The following HMCN1 variants were observed in gnomAD, a reference collection of about 807,000 sequenced individuals.
The protein encoded by HMCN1 is hemicentin-1.
A neutral mutation model predicts 625.9 loss-of-function variants in HMCN1; 321 were observed. The observed-to-expected ratio is 0.51, with a 90% CI of 0.47 to 0.56. The LOEUF is 0.56. Among genes scored for constraint, HMCN1 ranks in the 20% least tolerant of loss-of-function variants. The pLI is 0.00. For missense variants in HMCN1, 6,588 were observed against 6,887.3 expected (o/e 0.96, Z 1.54); for synonymous variants, 2,425 against 2,417.6 (o/e 1.00, Z -0.09).
At chr1:185,884,564 T>C (rs1006786064) in intron 4 of HMCN1, among the ~76,000 whole-genome samples, 1 of 152,004 alleles carries the variant, frequency 6.6e-6, no homozygotes. Flanking sequence ...AATCCTATTC[T>C]CTCTCTTATG....
chr1:185,878,782 A>G (rs1185932021), intron 4 of HMCN1, among the ~76,000 whole-genome samples: 1 of 152,162 alleles, frequency 6.6e-6, no homozygotes, highest in Admixed American at 6.5e-5. Flanking sequence ...CTCAGTTAAT[A>G]GTTATTAACT....
chr1:186,003,596 T>C, intron 28 of HMCN1, 122 bp from the exon 29 acceptor site: 1 of 861,786 alleles, frequency 1.2e-6, no homozygotes, highest in South Asian at 1.4e-5. Context: ...TGTTGTGTGG[T>C]ATTTTATTTT....
rs181843608 is a variant in HMCN1, at chr1:185,981,440, A to G, written c.2662+367A>G. Among the ~76,000 whole-genome samples, 200 of 152,190 alleles carry G rather than the reference A, an allele frequency of 1.3e-3. 1 individual carries two copies. The highest frequency in any genetic ancestry group is 4.6e-3 in the African/African-American group (193 of 41,536). ...TTTGTGTATGATAGGTAAAAATATA[A>G]TATCATTTATTTCCAAGTAAGACAT... On this transcript the variant is annotated intron_variant, in intron 17 of 106. Coordinates refer to ENST00000271588, the MANE Select transcript of HMCN1 (RefSeq NM_031935.3).
intron 1 of HMCN1, among the ~76,000 whole-genome samples, chr1:185,781,418 T>A (rs968275433): frequency 5.9e-5 from 9 of 152,212 alleles, no homozygotes; most frequent in African/African-American, 2.2e-4. Context: ...CTTACTTGTC[T>A]AGTTCTTTTA....
rs201025716 is a variant in HMCN1 at position 186,136,985 on chromosome 1, C to T, written c.13582+48C>T. On this transcript the variant is annotated intron_variant, in intron 87 of 106. Coordinates refer to ENST00000271588, the MANE Select transcript of HMCN1 (RefSeq NM_031935.3). ...TCATAGTAAACAGTACCTGGGGTGA[C>T]TCAAATCATGGAAATTATTAAGCAC... 5 of 1,600,154 alleles carry T rather than the reference C, an allele frequency of 3.1e-6. No individual in the cohort carries two copies. The East Asian group carries it at 6.7e-5, about 21-fold the overall frequency.
intron 1 of HMCN1, among the ~76,000 whole-genome samples, chr1:185,762,817 G>A (rs751948666): frequency 2.6e-4 from 39 of 152,128 alleles, no homozygotes; most frequent in Non-Finnish European, 4.3e-4. Flanking sequence ...AAGAGCACAA[G>A]GTCCCAGGTA....
intron 82 of HMCN1, among the ~76,000 whole-genome samples, chr1:186,126,861 A>ATTT (rs1319807047): frequency 1.3e-5 from 2 of 152,096 alleles, no homozygotes; most frequent in African/African-American, 4.8e-5. Flanking sequence ...TATGCCTTAA[A>ATTT]TTTTAAAGGG....
At chr1:186,078,419 A>G (rs958132494) in intron 55 of HMCN1, among the ~76,000 whole-genome samples, 199 bp downstream of exon 55, 9 of 152,206 alleles carry the variant, frequency 5.9e-5, no homozygotes, top group Non-Finnish European at 1.2e-4. Flanking sequence ...AAACAAACTG[A>G]CTTAAATGAA....
At chr1:186,031,244 A>T (rs936437995) in intron 36 of HMCN1, among the ~76,000 whole-genome samples, 1 of 152,044 alleles carries the variant, frequency 6.6e-6, no homozygotes, top group Non-Finnish European at 1.5e-5. Context: ...TTCTAGAAAT[A>T]TCTTAATTTC....
intron 4 of HMCN1, among the ~76,000 whole-genome samples, chr1:185,883,405 C>T (rs1257859354): frequency 1.3e-5 from 2 of 152,062 alleles, no homozygotes; most frequent in Non-Finnish European, 2.9e-5. Flanking sequence ...TGCCCCCTTT[C>T]ACTCACTTCT....
intron 6 of HMCN1, among the ~76,000 whole-genome samples, chr1:185,918,290 C>T (rs1286351529): frequency 3.9e-5 from 6 of 152,086 alleles, no homozygotes; most frequent in East Asian, 1.9e-4. Flanking sequence ...GTCCAAAGGC[C>T]GAAGAACCTG....
At chr1:185,945,422 CA>C (rs535311334) in intron 11 of HMCN1, among the ~76,000 whole-genome samples, 3 of 151,666 alleles carry the variant, frequency 2.0e-5, no homozygotes, top group African/African-American at 4.8e-5. Context: ...TATTTATTCA[CA>C]AAAAAAATTG....
At chr1:186,091,039 T>G in intron 64 of HMCN1, 122 bp downstream of exon 64, 1 of 1,178,208 alleles carries the variant, frequency 8.5e-7, no homozygotes, top group East Asian at 2.5e-5. Context: ...TATCATTATA[T>G]TCACAAAGAA....
intron 103 of HMCN1, among the ~76,000 whole-genome samples, chr1:186,177,895 TC>T (rs1247033333): frequency 6.6e-6 from 1 of 152,116 alleles, no homozygotes; most frequent in South Asian, 2.1e-4. Flanking sequence ...CTTTTTTTTT[TC>T]CAGAGGAAGA....
At chr1:185,912,741 T>C (rs1229758388) in intron 6 of HMCN1, among the ~76,000 whole-genome samples, 4 of 152,204 alleles carry the variant, frequency 2.6e-5, no homozygotes, top group African/African-American at 9.6e-5. Flanking sequence ...GGAACAGGCT[T>C]AAAACACACC....
intron 53 of HMCN1, 135 bp downstream of exon 53, chr1:186,075,026 C>A: frequency 4.1e-6 from 3 of 737,796 alleles, no homozygotes; most frequent in Non-Finnish European, 6.7e-6. Flanking sequence ...AATTTAGACT[C>A]GAGAATTAAA....
chr1:185,804,721 T>A (rs1181314656), intron 1 of HMCN1, among the ~76,000 whole-genome samples: 1 of 152,152 alleles, frequency 6.6e-6, no homozygotes, highest in Non-Finnish European at 1.5e-5. Flanking sequence ...ATTTCTTAAA[T>A]GTGTCCTTAC....
At chr1:185,954,239 G>A (rs534004342) in intron 11 of HMCN1, among the ~76,000 whole-genome samples, 2 of 152,076 alleles carry the variant, frequency 1.3e-5, no homozygotes, top group Non-Finnish European at 2.9e-5. Flanking sequence ...AAATATATTT[G>A]TGAACATAAT....
intron 4 of HMCN1, among the ~76,000 whole-genome samples, chr1:185,884,719 A>T (rs936900695): frequency 1.3e-5 from 2 of 152,046 alleles, no homozygotes; most frequent in Non-Finnish European, 2.9e-5. Flanking sequence ...CTGTTTGGGA[A>T]AGGTGATCAC....
Sources: allele counts gnomAD v4.1 joint callset (sites outside exome capture counted in the v4.1 genomes callset), GRCh38; gene constraint gnomAD v4.1.1; transcripts MANE v1.5; gene names NCBI Gene and HGNC (gene_info 2026-07-23, HGNC 2026-07-21).